Variants in FBXW8 observed in about 807,000 individuals in gnomAD.
FBXW8 encodes F-box and WD repeat domain containing 8.
A neutral mutation model predicts 65.3 loss-of-function variants in FBXW8; 57 were observed. The observed-to-expected ratio is 0.87, with a 90% CI of 0.71 to 1.09. FBXW8 has a LOEUF of 1.09. Among genes scored for constraint, FBXW8 ranks in the 50% least tolerant of loss-of-function variants. The pLI is 0.00. For missense variants in FBXW8, 777 were observed against 814.8 expected, an observed-to-expected ratio of 0.95 and a Z score of 0.57; for synonymous variants, 308 against 330.2, an observed-to-expected ratio of 0.93 and a Z score of 0.73.
intron 1 of FBXW8, among the ~76,000 whole-genome samples, chr12:116,914,595 G>T (rs903778852): frequency 3.6e-5 from 5 of 137,232 alleles, no homozygotes; most frequent in Admixed American, 7.4e-5. Flanking sequence ...AAAAAAAAAG[G>T]CTGGGCCTGG....
intron 5 of FBXW8, among the ~76,000 whole-genome samples, chr12:116,975,446 A>G (rs1232512299): frequency 6.6e-6 from 1 of 152,170 alleles, no homozygotes; most frequent in Non-Finnish European, 1.5e-5. Context: ...TCATGACCTG[A>G]TCACATCCCA....
intron 8 of FBXW8, among the ~76,000 whole-genome samples, chr12:117,018,975 T>TC (rs1230344195): frequency 1.3e-5 from 2 of 152,244 alleles, no homozygotes; most frequent in African/African-American, 4.8e-5. Context: ...GGTAAACACT[T>TC]CCGCTCCCCC....
At chr12:116,982,832 A>G (rs1885406968) in intron 5 of FBXW8, among the ~76,000 whole-genome samples, 1 of 152,176 alleles carries the variant, frequency 6.6e-6, no homozygotes, top group Non-Finnish European at 1.5e-5. Flanking sequence ...CACGCTTGGC[A>G]GCACCCAGGG....
chr12:116,911,113 C>T lies in FBXW8; in HGVS notation c.76C>T (p.Arg26Trp). Residue 26 changes from arginine to tryptophan, a missense_variant, in exon 1 of 11, where the codon CGG becomes TGG. Arg to Trp is a moderately radical substitution (Grantham distance 101, BLOSUM62 -3). Coordinates refer to ENST00000652555, the MANE Select transcript of FBXW8 (RefSeq NM_153348.3). Reference protein sequence around the residue: ...ELAQAQAPKKRRRPEAAERRA... With the variant: ...ELAQAQAPKKWRRPEAAERRA... ...GGCGCAGGCCCAGGCGCCGAAGAAG[C>T]GGCGACGGCCCGAGGCTGCCGAGAG... is the stretch of plus-strand genomic sequence containing the variant. 7.2e-7 allele frequency: 1 copy of T among 1,389,602 alleles called. No individual in the cohort carries two copies. Among genetic ancestry groups the T allele is most frequent in the Non-Finnish European group, 9.2e-7 (1 of 1,082,272 alleles). 86.1% of individuals were successfully genotyped at this position (1,389,602 alleles called of 1,614,324 possible).
At chr12:116,912,047 C>A (rs1016079138) in intron 1 of FBXW8, among the ~76,000 whole-genome samples, 1 of 152,192 alleles carries the variant, frequency 6.6e-6, no homozygotes, top group Non-Finnish European at 1.5e-5. Context: ...TCAAGAACAC[C>A]TGAAATGCAT....
intron 8 of FBXW8, among the ~76,000 whole-genome samples, chr12:117,020,667 G>T (rs1954072375): frequency 6.6e-6 from 1 of 152,158 alleles, no homozygotes; most frequent in Non-Finnish European, 1.5e-5. Context: ...GAAAGCAGGA[G>T]TCTCCATACT....
chr12:117,027,073 C>G (rs138687480), intron 9 of FBXW8, among the ~76,000 whole-genome samples: 44 of 152,318 alleles, frequency 2.9e-4, no homozygotes, highest in African/African-American at 1.0e-3. Context: ...ATGGGCCAGT[C>G]TCTGTTGCAT....
At chr12:116,981,834 A>G (rs960505590) in intron 5 of FBXW8, among the ~76,000 whole-genome samples, 2 of 152,110 alleles carry the variant, frequency 1.3e-5, no homozygotes, top group Admixed American at 1.3e-4. Context: ...GACTGGTCTC[A>G]AACTCCTGAC....
At chr12:116,952,929 G>A (rs1281150551) in intron 4 of FBXW8, among the ~76,000 whole-genome samples, 1 of 152,132 alleles carries the variant, frequency 6.6e-6, no homozygotes, top group East Asian at 1.9e-4. Context: ...GTAGAGATGG[G>A]GTTTCACCAT....
rs1954345007 is a variant in FBXW8, at chr12:117,030,971, C to G, written c.*2799C>G. 6.6e-6 allele frequency: 1 copy of G among 152,204 alleles called. No individual in the cohort carries two copies. Among genetic ancestry groups the G allele is most frequent in the South Asian group, 2.1e-4 (1 of 4,826 alleles). 9.4% of individuals were successfully genotyped at this position (152,204 alleles called of 1,614,324 possible). A position where few individuals can be genotyped will look rare whatever the true frequency, so the allele number is the denominator to read the frequency against. On this transcript the variant is annotated 3_prime_UTR_variant, in exon 11 of 11. Coordinates refer to ENST00000652555, the MANE Select transcript of FBXW8 (RefSeq NM_153348.3). ...ATCCTCTACTTTCCTTCTTTAGTCC[C>G]TCTCAGGGACGCCTCCATCCCCGGC...
chr12:116,993,485 T>C (rs1329577420), intron 7 of FBXW8, among the ~76,000 whole-genome samples: 4 of 152,168 alleles, frequency 2.6e-5, no homozygotes, highest in Non-Finnish European at 5.9e-5. Flanking sequence ...TCCCTGATGA[T>C]TAGTGATGTT....
intron 1 of FBXW8, among the ~76,000 whole-genome samples, chr12:116,913,099 A>G (rs1880124446): frequency 6.6e-6 from 1 of 152,194 alleles, no homozygotes; most frequent in Admixed American, 6.5e-5. Flanking sequence ...TGGTTATAAT[A>G]TAGGTTCTGG....
intron 8 of FBXW8, among the ~76,000 whole-genome samples, chr12:117,020,973 G>C (rs930054130): frequency 2.0e-5 from 3 of 152,230 alleles, no homozygotes; most frequent in Non-Finnish European, 4.4e-5. Context: ...CTCTTGTGTA[G>C]CTACCTCCTC....
At chr12:117,014,761 T>C (rs985829332) in intron 8 of FBXW8, among the ~76,000 whole-genome samples, 1 of 152,238 alleles carries the variant, frequency 6.6e-6, no homozygotes, top group South Asian at 2.1e-4. Context: ...TCAGTCTTAG[T>C]TGAGCTCTTA....
At chr12:116,914,497 C>G (rs1880241967) in intron 1 of FBXW8, among the ~76,000 whole-genome samples, 1 of 145,790 alleles carries the variant, frequency 6.9e-6, no homozygotes, top group Non-Finnish European at 1.5e-5. Flanking sequence ...TGATTGAGGC[C>G]AGGAGGTCGA....
At chr12:116,923,521 C>CTT (rs1046273125) in intron 1 of FBXW8, among the ~76,000 whole-genome samples, 1 of 144,540 alleles carries the variant, frequency 6.9e-6, no homozygotes, top group Non-Finnish European at 1.5e-5. Flanking sequence ...AAATTATTTT[C>CTT]TTTTTTTTTT....
chr12:116,958,919 A>G lies in FBXW8; in HGVS notation c.678-5778A>G, dbSNP rs913571792. On this transcript the variant is annotated intron_variant, in intron 4 of 10. Coordinates refer to ENST00000652555, the MANE Select transcript of FBXW8 (RefSeq NM_153348.3). ...CACAGAGCTCTAGGCAACCACTACC[A>G]TGTACTGGATTTGACACACAAACGA... Among the ~76,000 whole-genome samples the G allele has an allele frequency of 4.6e-5, 7 of 152,318 alleles. No individual in the cohort carries two copies. The East Asian group carries it at 1.2e-3, about 25-fold the overall frequency.
intron 8 of FBXW8, among the ~76,000 whole-genome samples, chr12:117,012,449 A>T (rs1031480103): frequency 6.6e-6 from 1 of 152,158 alleles, no homozygotes; most frequent in African/African-American, 2.4e-5. Context: ...CATCATATGT[A>T]AGAATACTCC....
chr12:117,009,739 A>G (rs73399483), intron 7 of FBXW8, among the ~76,000 whole-genome samples: 7,257 of 152,248 alleles, frequency 0.048, 416 homozygotes, highest in African/African-American at 0.14. Context: ...TTCATACCCT[A>G]TGGAACACAG....
Sources: gnomAD v4.1 joint callset for allele counts (sites outside exome capture counted in the v4.1 genomes callset) on GRCh38, gnomAD v4.1.1 for gene constraint, MANE v1.5 for transcripts, NCBI Gene and HGNC (gene_info 2026-07-23, HGNC 2026-07-21) for gene names.